Variants in ZNF232 observed in about 807,000 individuals in gnomAD.
ZNF232 encodes zinc finger protein 232.
A neutral mutation model predicts 25.2 loss-of-function variants in ZNF232; 25 were observed. The observed-to-expected ratio is 0.99, with a 90% confidence interval of 0.72 to 1.39. The LOEUF is 1.39. ZNF232 is among the 40% of genes most tolerant of loss of function. ZNF232 has a pLI of 0.00. For missense variants in ZNF232, 519 were observed against 520.9 expected (o/e 1.00, Z 0.04); for synonymous variants, 193 against 182.9 (o/e 1.06, Z -0.45).
At chr17:5,106,024 T>G (rs200200645) in exon 4 of ZNF232, 116 of 1,614,066 alleles carry the variant, frequency 7.2e-5, no homozygotes, top group Non-Finnish European at 8.7e-5. Context: ...GAGTGAATCC[T>G]CTGATGCTGA....
chr17:5,107,521 A>G (rs1215035498), intron 3 of ZNF232, among the ~76,000 whole-genome samples: 2 of 149,462 alleles, frequency 1.3e-5, no homozygotes, highest in African/African-American at 2.5e-5. Context: ...CAATTGCTTT[A>G]AGATAACTCA....
At chr17:5,113,568 C>A (rs557017939), upstream of ZNF232, 1 of 152,366 alleles carries the variant, frequency 6.6e-6, no homozygotes, top group African/African-American at 2.4e-5. Flanking sequence ...TGTCAGTTTC[C>A]TTTTCCTGAT....
chr17:5,111,485 C>A (rs2072407882), intron 1 of ZNF232: 1 of 474,272 alleles, frequency 2.1e-6, no homozygotes, highest in African/African-American at 2.0e-5. Context: ...ACTTCTCTAC[C>A]CCGGCCTCGG....
At chr17:5,113,238 G>T (rs963109223), upstream of ZNF232, 3 of 152,176 alleles carry the variant, frequency 2.0e-5, no homozygotes, top group African/African-American at 7.2e-5. Flanking sequence ...ATTACTGCAC[G>T]TAGGAGCTAT....
At chr17:5,122,172 C>T (rs1484658726) in intron 1 of ZNF232, among the ~76,000 whole-genome samples, 1 of 151,850 alleles carries the variant, frequency 6.6e-6, no homozygotes, top group African/African-American at 2.4e-5. Flanking sequence ...GAAGGTGGTG[C>T]ACGCAGAAGA....
chr17:5,105,955 G>C (rs1279764271), exon 4 of ZNF232: 6 of 1,614,158 alleles, frequency 3.7e-6, no homozygotes, highest in Non-Finnish European at 5.1e-6. Flanking sequence ...TGCTGACTTA[G>C]ATATGAGCTT....
At chr17:5,113,811 A>G (rs1225764799), upstream of ZNF232, 2 of 152,196 alleles carry the variant, frequency 1.3e-5, no homozygotes, top group Non-Finnish European at 2.9e-5. Context: ...GAAAGCTATT[A>G]GATTCTCGGT....
upstream of ZNF232, among the ~76,000 whole-genome samples, chr17:5,115,564 AC>A (rs2072513628): frequency 2.0e-5 from 3 of 151,662 alleles, no homozygotes; most frequent in African/African-American, 7.3e-5. Flanking sequence ...AAACACACAC[AC>A]ACACACACAC....
chr17:5,111,838 A>G, exon 1 of ZNF232: 1 of 1,613,764 alleles, frequency 6.2e-7, no homozygotes, highest in Non-Finnish European at 8.5e-7. Flanking sequence ...CGCTGCCGCG[A>G]ATCGCGCCAC....
chr17:5,120,511 G>A, intron 1 of ZNF232: 2 of 304,598 alleles, frequency 6.6e-6, no homozygotes, highest in Non-Finnish European at 1.3e-5. Flanking sequence ...GCCTATCTGT[G>A]TCTGTCTGTC....
chr17:5,108,830 A>G (rs1320591167), intron 3 of ZNF232, 96 bp downstream of exon 3: 2 of 1,566,408 alleles, frequency 1.3e-6, no homozygotes, highest in East Asian at 4.6e-5. Context: ...CAAACATTTA[A>G]GCACCTACTA....
upstream of ZNF232, among the ~76,000 whole-genome samples, chr17:5,112,892 G>A (rs964215625): frequency 6.6e-6 from 1 of 152,030 alleles, no homozygotes; most frequent in Non-Finnish European, 1.5e-5. Context: ...CCGGGAGGCA[G>A]AGGTTGCAAT....
intron 1 of ZNF232, among the ~76,000 whole-genome samples, chr17:5,117,200 G>A (rs960838118): frequency 1.3e-5 from 2 of 152,154 alleles, no homozygotes; most frequent in African/African-American, 2.4e-5. Context: ...CTGCTTTGTA[G>A]CACCCGCTGC....
At chr17:5,122,553 C>G (rs143005473) in intron 1 of ZNF232, among the ~76,000 whole-genome samples, 1 of 152,220 alleles carries the variant, frequency 6.6e-6, no homozygotes, top group Non-Finnish European at 1.5e-5. Flanking sequence ...CCCGGGAGGC[C>G]GAACCGGCCC....
chr17:5,112,047 G>C (rs770161793), upstream of ZNF232: 1 of 636,290 alleles, frequency 1.6e-6, no homozygotes, highest in Non-Finnish European at 2.6e-6. Context: ...CTGCACGACT[G>C]GACTGGAGCG....
exon 1 of ZNF232, chr17:5,123,035 G>C (rs2072747300): frequency 6.5e-6 from 1 of 153,442 alleles, no homozygotes; most frequent in South Asian, 1.8e-4. Context: ...CTTGGTGGGC[G>C]GCTGCGCAGG....
At chr17:5,109,216 A>C in intron 2 of ZNF232, 164 bp from the exon 3 acceptor site, 1 of 1,232,684 alleles carries the variant, frequency 8.1e-7, no homozygotes, top group Non-Finnish European at 1.2e-6. Context: ...AAGAGGAGCT[A>C]GAGTCTCTTT....
rs939691802 is a variant in ZNF232 at position 5,110,417 on chromosome 17, G to GA, written c.24-550dup. Among the ~76,000 whole-genome samples, 5 of 151,286 alleles carry GA rather than the reference G, an allele frequency of 3.3e-5. No homozygotes were observed. The South Asian group carries it at 8.4e-4, about 25-fold the overall frequency. On this transcript the variant is annotated intron_variant, in intron 1 of 3. Coordinates refer to ENST00000575898, the Ensembl canonical transcript of ZNF232. ...GCCATTGACAGGAAAAATGTATCAA[G>GA]AAAAAAAAAGTTCTGGGGGCCTATG... is the stretch of plus-strand genomic sequence containing the variant.
intron 1 of ZNF232, among the ~76,000 whole-genome samples, chr17:5,121,073 A>G (rs1689842532): frequency 6.6e-6 from 1 of 152,206 alleles, no homozygotes; most frequent in African/African-American, 2.4e-5. Context: ...GTACATACGC[A>G]TACCCTTGGC....
Sources: gnomAD v4.1 joint callset for allele counts (sites outside exome capture counted in the v4.1 genomes callset) on GRCh38, gnomAD v4.1.1 for gene constraint, MANE v1.5 for transcripts, NCBI Gene and HGNC (gene_info 2026-07-23, HGNC 2026-07-21) for gene names.